The following GRB10 variants were observed in gnomAD, a reference collection of about 807,000 sequenced individuals.
The protein encoded by GRB10 is growth factor receptor bound protein 10.
GRB10 carries 20 observed loss-of-function variants against 80.9 expected under a neutral mutation model. That is an observed-to-expected ratio of 0.25 (90% CI 0.17 to 0.36). The LOEUF (loss-of-function observed/expected upper bound fraction) is 0.36. Ranked by LOEUF, GRB10 falls within the 10% of genes least tolerant of loss-of-function variation. The probability of loss-of-function intolerance (pLI) is 1.00; values close to 1 mark genes in which losing one functional copy is unlikely to be tolerated. For missense variants in GRB10, 548 were observed against 747.7 expected, an observed-to-expected ratio of 0.73 and a Z score of 3.12; for synonymous variants, 291 against 291.5, an observed-to-expected ratio of 1.00 and a Z score of 0.02.
At chr7:50,659,002 T>C (rs1198939292) in intron 7 of GRB10, among the ~76,000 whole-genome samples, 1 of 152,224 alleles carries the variant, frequency 6.6e-6, no homozygotes, top group African/African-American at 2.4e-5. Context: ...AAAGTGAGGA[T>C]GACATTCACC....
intron 3 of GRB10, among the ~76,000 whole-genome samples, chr7:50,742,026 A>C (rs538162822): frequency 2.6e-5 from 4 of 152,190 alleles, no homozygotes; most frequent in African/African-American, 9.6e-5. Flanking sequence ...AAAAAACCCA[A>C]ATCAGAATCA....
At chr7:50,760,415 A>C (rs188291351) in intron 2 of GRB10, among the ~76,000 whole-genome samples, 135 of 152,374 alleles carry the variant, frequency 8.9e-4, no homozygotes, top group Admixed American at 2.7e-3. Context: ...TGGAAAGATT[A>C]AACATCATAA....
intron 3 of GRB10, among the ~76,000 whole-genome samples, chr7:50,749,383 C>G (rs1243944698): frequency 6.6e-6 from 1 of 152,046 alleles, no homozygotes; most frequent in Non-Finnish European, 1.5e-5. Flanking sequence ...CCCACCTCAG[C>G]CTTCCAAAGT....
chr7:50,663,675 C>T (rs964566900), intron 7 of GRB10, among the ~76,000 whole-genome samples: 6 of 152,238 alleles, frequency 3.9e-5, no homozygotes, highest in Admixed American at 6.5e-5. Context: ...CAGCTGCCAT[C>T]CTCTTGGTGA....
At chr7:50,751,794 A>C (rs932153533) in intron 3 of GRB10, among the ~76,000 whole-genome samples, 2 of 152,244 alleles carry the variant, frequency 1.3e-5, no homozygotes, top group Admixed American at 6.5e-5. Flanking sequence ...GTGACCAAGA[A>C]CAAGTGGAGT....
intron 3 of GRB10, among the ~76,000 whole-genome samples, chr7:50,751,803 G>A (rs1049434146): frequency 7.9e-5 from 12 of 152,242 alleles, no homozygotes; most frequent in Admixed American, 5.9e-4. Flanking sequence ...AACAAGTGGA[G>A]TGATTCTCCT....
At chr7:50,760,766 G>C (rs940545629) in intron 2 of GRB10, among the ~76,000 whole-genome samples, 1 of 152,172 alleles carries the variant, frequency 6.6e-6, no homozygotes, top group African/African-American at 2.4e-5. Context: ...TGAAACAAGA[G>C]TGGGCACGTG....
chr7:50,619,658 C>T (rs117309639), intron 8 of GRB10, among the ~76,000 whole-genome samples: 4,241 of 152,216 alleles, frequency 0.028, 82 homozygotes, highest in Non-Finnish European at 0.035. Flanking sequence ...GGAGAAAGAA[C>T]TTGAAAGAGG....
At chr7:50,666,320 G>A (rs2059793433) in intron 7 of GRB10, among the ~76,000 whole-genome samples, 1 of 152,210 alleles carries the variant, frequency 6.6e-6, no homozygotes, top group Non-Finnish European at 1.5e-5. Context: ...AGGGGCTCAA[G>A]GTGAGCGAAG....
chr7:50,703,684 T>A (rs970578006), intron 5 of GRB10, 137 bp downstream of exon 5: 1 of 670,986 alleles, frequency 1.5e-6, no homozygotes, highest in African/African-American at 1.8e-5. Flanking sequence ...GGGAATTCAC[T>A]GTCCTTAATG....
Position 50,732,257 on chromosome 7 carries a change from T to C in GRB10, c.51+15A>G, listed in dbSNP as rs1800605. ...CACCATCGGGCCAGGATCAGATATA[T>C]GTGCTCGCCCATACCTGGTAGTACG... On this transcript the variant is annotated intron_variant, in intron 4 of 18. Transcript: ENST00000401949. 8.1e-6 allele frequency: 13 copies of C among 1,613,630 alleles called. No individual in the cohort carries two copies. In the Admixed American group the frequency reaches 1.7e-4, roughly 21 times the overall value.
At chr7:50,639,109 G>A (rs1314177460) in intron 7 of GRB10, among the ~76,000 whole-genome samples, 1 of 152,142 alleles carries the variant, frequency 6.6e-6, no homozygotes, top group Admixed American at 6.5e-5. Flanking sequence ...TGGAAGGAGG[G>A]GGTGAGGGTT....
chr7:50,605,654 C>A (rs2048396711), intron 14 of GRB10, among the ~76,000 whole-genome samples: 1 of 152,124 alleles, frequency 6.6e-6, no homozygotes, highest in South Asian at 2.1e-4. Context: ...GCTGGTGAGG[C>A]CCCCGGCACC....
At chr7:50,648,971 G>T (rs568781672) in intron 7 of GRB10, among the ~76,000 whole-genome samples, 1 of 152,266 alleles carries the variant, frequency 6.6e-6, no homozygotes, top group African/African-American at 2.4e-5. Context: ...GCTCCTGAGT[G>T]GCCACGGGAC....
chr7:50,762,764 A>G (rs565550251), intron 2 of GRB10, among the ~76,000 whole-genome samples: 1 of 152,324 alleles, frequency 6.6e-6, no homozygotes, highest in South Asian at 2.1e-4. Context: ...TCAACCTAGA[A>G]GCCATGAAGA....
chr7:50,605,197 A>G, intron 15 of GRB10, 93 bp downstream of exon 15: 1 of 944,848 alleles, frequency 1.1e-6, no homozygotes, highest in Non-Finnish European at 1.7e-6. Flanking sequence ...CCTCTTGCCA[A>G]CCCGCATAGA....
chr7:50,696,357 G>A (rs1331004088), intron 5 of GRB10, among the ~76,000 whole-genome samples: 1 of 152,188 alleles, frequency 6.6e-6, no homozygotes, highest in Non-Finnish European at 1.5e-5. Flanking sequence ...GTGCTTTACA[G>A]ACGCCTCTTT....
chr7:50,614,203 T>C (rs2050103490), intron 12 of GRB10, among the ~76,000 whole-genome samples: 1 of 152,224 alleles, frequency 6.6e-6, no homozygotes, highest in African/African-American at 2.4e-5. Context: ...AAGGTGTATG[T>C]CTATACCTGT....
intron 8 of GRB10, among the ~76,000 whole-genome samples, chr7:50,622,194 G>GT (rs1342127325): frequency 2.6e-5 from 4 of 152,228 alleles, no homozygotes; most frequent in Admixed American, 2.6e-4. Flanking sequence ...GGATAAGGCC[G>GT]TAAGTGGACT....
Sources: allele counts gnomAD v4.1 joint callset (sites outside exome capture counted in the v4.1 genomes callset), GRCh38; gene constraint gnomAD v4.1.1; transcripts MANE v1.5; gene names NCBI Gene and HGNC (gene_info 2026-07-23, HGNC 2026-07-21).